Variants in NUP205 observed in about 807,000 individuals in gnomAD.
NUP205 encodes nuclear pore complex protein Nup205.
A neutral mutation model predicts 253.8 loss-of-function variants in NUP205; 76 were observed. The ratio of observed to expected loss-of-function variants is 0.30; its 90% confidence interval spans 0.25 to 0.36. NUP205 has a LOEUF of 0.36. Ranked by LOEUF, NUP205 falls within the 10% of genes least tolerant of loss-of-function variation. The probability of loss-of-function intolerance (pLI) is 1.00; values close to 1 mark genes in which losing one functional copy is unlikely to be tolerated. For missense variants in NUP205, 2,162 were observed against 2,425.5 expected (o/e 0.89, Z 2.28); for synonymous variants, 832 against 850.1 (o/e 0.98, Z 0.37).
chr7:135,578,475 GTGTC>G (rs1356004862), intron 6 of NUP205, among the ~76,000 whole-genome samples: 1 of 152,176 alleles, frequency 6.6e-6, no homozygotes, highest in Non-Finnish European at 1.5e-5. Flanking sequence ...GAAAAAATGA[GTGTC>G]TAACTTTTTT....
chr7:135,625,397 T>C (rs1794567027), intron 32 of NUP205, 42 bp downstream of exon 32: 1 of 1,458,264 alleles, frequency 6.9e-7, no homozygotes. Flanking sequence ...AAGAAGTCGT[T>C]TTCTCTTGGC....
intron 34 of NUP205, among the ~76,000 whole-genome samples, chr7:135,629,913 T>A (rs1172841708): frequency 6.6e-6 from 1 of 152,256 alleles, no homozygotes; most frequent in Non-Finnish European, 1.5e-5. Context: ...TGCTAGTTAC[T>A]GTTTCATAGA....
chr7:135,616,577 G>T, intron 24 of NUP205, 78 bp from the exon 25 acceptor site: 1 of 787,776 alleles, frequency 1.3e-6, no homozygotes, highest in Non-Finnish European at 1.9e-6. Flanking sequence ...AAGATACCTT[G>T]TGTTTGTTAT....
intron 7 of NUP205, among the ~76,000 whole-genome samples, chr7:135,580,841 T>C (rs1329058716): frequency 6.6e-6 from 1 of 152,060 alleles, no homozygotes; most frequent in Non-Finnish European, 1.5e-5. Context: ...GGTCACAATC[T>C]TATGCTATAA....
chr7:135,603,797 G>A (rs530640274), intron 18 of NUP205, among the ~76,000 whole-genome samples: 43 of 152,146 alleles, frequency 2.8e-4, no homozygotes, highest in East Asian at 9.6e-4. Flanking sequence ...GGTGTGAGCC[G>A]CTGTGCCCAC....
chr7:135,594,607 C>G lies in NUP205; in HGVS notation c.1891C>G (p.Leu631Val). Residue 631 changes from leucine to valine, a missense_variant, in exon 13 of 43, where the codon CTG becomes GTG. Leu to Val is a conservative substitution (Grantham distance 32). Transcript: ENST00000285968. The part of the protein sequence containing the change: ...HPQWTPVVVI[L>V]GLLQCSIPPV... ...TCAGTGGACCCCTGTTGTGGTGATTCTGGGACTCCTCCAATGCAGTATTCC... is the reference window on the plus strand; with the variant it reads ...TCAGTGGACCCCTGTTGTGGTGATTGTGGGACTCCTCCAATGCAGTATTCC... 6.2e-7 allele frequency: 1 copy of G among 1,613,702 alleles called. No individual in the cohort carries two copies. Among genetic ancestry groups the G allele is most frequent in the Non-Finnish European group, 8.5e-7 (1 of 1,179,750 alleles).
At chr7:135,561,917 C>CTCCTTCCT (rs755809128) in intron 1 of NUP205, among the ~76,000 whole-genome samples, 27,478 of 147,488 alleles carry the variant, frequency 0.19, 3,085 homozygotes, top group East Asian at 0.44. Flanking sequence ...CCTTCCTTCC[C>CTCCTTCCT]TCCTTCCTTC....
intron 31 of NUP205, among the ~76,000 whole-genome samples, chr7:135,624,303 G>A (rs1794535144): frequency 6.6e-6 from 1 of 152,062 alleles, no homozygotes; most frequent in Admixed American, 6.6e-5. Flanking sequence ...CCAGGTTCAA[G>A]CAATTCTCCT....
chr7:135,594,038 C>T (rs562229342), intron 12 of NUP205, among the ~76,000 whole-genome samples: 2 of 152,186 alleles, frequency 1.3e-5, no homozygotes, highest in South Asian at 4.1e-4. Flanking sequence ...CTGATTTGAT[C>T]ATTACATATT....
intron 2 of NUP205, among the ~76,000 whole-genome samples, chr7:135,572,743 C>CG (rs551368702): frequency 1.1e-3 from 161 of 152,094 alleles, no homozygotes; most frequent in African/African-American, 3.7e-3. Context: ...GTATTAGAGA[C>CG]GTGGTTTCAC....
chr7:135,648,259 A>T, intron 42 of NUP205, 145 bp from the exon 43 acceptor site: 1 of 624,452 alleles, frequency 1.6e-6, no homozygotes, highest in Non-Finnish European at 2.4e-6. Flanking sequence ...TAGTTAATTT[A>T]GTAACACATT....
intron 37 of NUP205, 50 bp from the exon 38 acceptor site, chr7:135,638,507 T>C (rs1794859932): frequency 1.3e-6 from 2 of 1,567,614 alleles, no homozygotes; most frequent in African/African-American, 1.4e-5. Flanking sequence ...TTCATGCTAA[T>C]TGAGACATTT....
rs751956327 is a variant in NUP205, at chr7:135,618,435, T to C, written c.3795T>C (p.Tyr1265=). ...LMEEISTVLQ[Y]VVGRNKLLQC... ...AGGAAATCAGCACTGTACTTCAGTA[T>C]GTGGTAGGAAGAAATAAATTGCTGC... The change falls in exon 28 of 43, where the codon TAT becomes TAC. Residue 1265 remains tyrosine (Y), a synonymous_variant. Transcript: ENST00000285968. 10 of 1,614,008 alleles carry C rather than the reference T, an allele frequency of 6.2e-6. No individual in the cohort carries two copies. The highest frequency in any genetic ancestry group is 1.7e-5 in the Admixed American group (1 of 59,998).
chr7:135,595,233 T>C (rs1793796771), intron 13 of NUP205, among the ~76,000 whole-genome samples: 2 of 152,126 alleles, frequency 1.3e-5, no homozygotes, highest in Admixed American at 6.6e-5. Flanking sequence ...TTGTTTTTTT[T>C]TTTTAAGATA....
rs1182447862 is a variant in NUP205, at chr7:135,577,204, AT to A, written c.648+82del. On this transcript the variant is annotated intron_variant, in intron 5 of 42. Transcript: ENST00000285968. ...CAGAAACATGACAATTAGAATGTTC[AT>A]TTTTTCAAGATGAATTATGTAGCTG... 4 of 1,396,044 alleles carry A rather than the reference AT, an allele frequency of 2.9e-6. No individual in the cohort carries two copies. In the African/African-American group the frequency reaches 5.8e-5, roughly 20 times the overall value. 86.5% of individuals were successfully genotyped at this position (1,396,044 alleles called of 1,614,324 possible).
intron 10 of NUP205, among the ~76,000 whole-genome samples, chr7:135,589,759 G>C (rs921851057): frequency 4.0e-5 from 6 of 151,134 alleles, no homozygotes; most frequent in Non-Finnish European, 1.5e-5. Context: ...GGTGAACCCT[G>C]TCTCTACAAA....
intron 1 of NUP205, among the ~76,000 whole-genome samples, chr7:135,563,210 T>C (rs970036567): frequency 2.0e-5 from 3 of 152,040 alleles, no homozygotes; most frequent in Non-Finnish European, 4.4e-5. Context: ...TTTTTTGAGA[T>C]GGAGTCTTAC....
intron 40 of NUP205, 139 bp from the exon 41 acceptor site, chr7:135,645,329 G>T: frequency 2.1e-6 from 2 of 933,298 alleles, no homozygotes; most frequent in South Asian, 1.7e-5. Context: ...GGAGCCTTCA[G>T]TGAGACCCTG....
At chr7:135,624,221 A>C (rs1292465645) in intron 31 of NUP205, among the ~76,000 whole-genome samples, 3 of 151,826 alleles carry the variant, frequency 2.0e-5, no homozygotes. Flanking sequence ...CTTTTTATTG[A>C]GACAGAGTCT....
Sources: allele counts gnomAD v4.1 joint callset (sites outside exome capture counted in the v4.1 genomes callset), GRCh38; gene constraint gnomAD v4.1.1; transcripts MANE v1.5; gene names NCBI Gene and HGNC (gene_info 2026-07-23, HGNC 2026-07-21).